Variants in ZMIZ2 observed in about 807,000 individuals in gnomAD.
ZMIZ2 encodes zinc finger MIZ domain-containing protein 2.
A neutral mutation model predicts 93.9 loss-of-function variants in ZMIZ2; 26 were observed. The ratio of observed to expected loss-of-function variants is 0.28; its 90% CI spans 0.20 to 0.38. ZMIZ2 has a LOEUF of 0.38. Among genes scored for constraint, ZMIZ2 ranks in the 10% least tolerant of loss-of-function variants. The pLI is 1.00. For synonymous variants in ZMIZ2, 485 were observed against 516.4 expected (o/e 0.94, Z 0.82); for missense variants, 1,023 against 1,235.0 (o/e 0.83, Z 2.57).
rs1423266804 is a variant in ZMIZ2, at chr7:44,759,311, G to A, written c.844G>A (p.Gly282Ser). The A allele has an allele frequency of 2.5e-6, 4 of 1,582,260 alleles. No homozygotes were observed. The highest frequency in any genetic ancestry group is 2.6e-6 in the Non-Finnish European group (3 of 1,165,120). Residue 282 changes from glycine to serine, a missense_variant, in exon 7 of 19, where the codon GGC becomes AGC. By Grantham distance (56) the Gly-to-Ser change is moderately conservative. Around this residue, in one of 3 missense-constraint regions of ZMIZ2, gnomAD observed 656 missense variants for 777.1 expected, o/e 0.84. Coordinates refer to ENST00000309315, the MANE Select transcript of ZMIZ2 (RefSeq NM_031449.4). Reference protein sequence around the residue: ...VYPGQQYLQGGQYAPSTAQFA... With the variant: ...VYPGQQYLQGSQYAPSTAQFA... The stretch of plus-strand genomic sequence containing the variant: ...TCCAGGGCAGCAGTATCTGCAAGGA[G>A]GCCAGTATGCACCCAGCACCGCCCA...
Position 44,759,266 on chromosome 7 carries a change from T to C in ZMIZ2, c.814-15T>C. ...TGCCTTTTTTCTCCCCTCGGGCATTTTGCCTCTTTTTCAGGTGTATCCAGG... is the reference window on the plus strand; with the variant it reads ...TGCCTTTTTTCTCCCCTCGGGCATTCTGCCTCTTTTTCAGGTGTATCCAGG... On this transcript the variant is annotated splice_polypyrimidine_tract_variant and intron_variant, in intron 6 of 18. Transcript: ENST00000309315. 1 of 1,482,838 alleles carries C rather than the reference T, an allele frequency of 6.7e-7. No homozygotes were observed. Among genetic ancestry groups the C allele is most frequent in the Non-Finnish European group, 9.0e-7 (1 of 1,110,270 alleles). The allele number at this position is 1,482,838 out of a possible 1,614,324, so 91.9% of individuals were successfully genotyped here.
chr7:44,756,365 C>G, intron 2 of ZMIZ2, 60 bp from the exon 3 acceptor site: 1 of 1,613,866 alleles, frequency 6.2e-7, no homozygotes, highest in Non-Finnish European at 8.5e-7. Context: ...CTGGAAGATC[C>G]TAGACTCTTG....
At chr7:44,762,793 T>G in intron 11 of ZMIZ2, 88 bp from the exon 12 acceptor site, 24 of 583,084 alleles carry the variant, frequency 4.1e-5, no homozygotes, top group Non-Finnish European at 5.4e-5. Flanking sequence ...TGGCAGCCCC[T>G]GACACACAAC....
intron 1 of ZMIZ2, among the ~76,000 whole-genome samples, chr7:44,754,664 T>A (rs958846257): frequency 6.6e-6 from 1 of 152,052 alleles, no homozygotes; most frequent in Non-Finnish European, 1.5e-5. Context: ...GCAGCCTAGA[T>A]GAATGCGGGG....
In ZMIZ2 at chr7:44,756,963, T is replaced by C. The variant is rs763537643; in HGVS notation, c.182T>C (p.Met61Thr). 7 of 1,611,072 alleles carry C rather than the reference T, an allele frequency of 4.3e-6. No individual in the cohort carries two copies. The highest frequency in any genetic ancestry group is 3.4e-5 in the Admixed American group (2 of 58,804). Residue 61 changes from methionine to threonine, a missense_variant, in exon 4 of 19, where the codon ATG becomes ACG. Coordinates refer to ENST00000309315, the MANE Select transcript of ZMIZ2 (RefSeq NM_031449.4). ...TCCTCATAGGTTTTGGGGAACCCCA[T>C]GGGCCCTGCAGGGAGTCCCTCTGGC... ...ATQSQVLGNP[M>T]GPAGSPSGSS...
intron 1 of ZMIZ2, among the ~76,000 whole-genome samples, chr7:44,752,129 C>T (rs1026070675): frequency 6.6e-6 from 1 of 150,850 alleles, no homozygotes; most frequent in African/African-American, 2.5e-5. Flanking sequence ...AGCCTGTTGC[C>T]TTCTATTTTT....
rs778825617 is a variant in ZMIZ2 at position 44,757,024 on chromosome 7, C to T, written c.243C>T (p.Ser81=). 117 of 1,612,244 alleles carry T rather than the reference C, an allele frequency of 7.3e-5. 1 individual carries two copies. The highest frequency in any genetic ancestry group is 9.3e-5 in the Non-Finnish European group (110 of 1,179,408). ...SMMPGVAGGS[S]ALTSPQCLGQ... is the part of the protein sequence containing the mutation. ...TGCCTGGTGTGGCAGGGGGCAGCTC[C>T]GCCTTGACCTCCCCACAGTGCCTGG... The change falls in exon 4 of 19, where the codon TCC becomes TCT. Residue 81 remains serine, a synonymous_variant. Coordinates refer to ENST00000309315, the MANE Select transcript of ZMIZ2 (RefSeq NM_031449.4).
In ZMIZ2 at chr7:44,765,036, G is replaced by C; in HGVS notation, c.1997+27G>C. The C allele has an allele frequency of 5.0e-6, 8 of 1,613,408 alleles. No individual in the cohort carries two copies. Among genetic ancestry groups the C allele is most frequent in the South Asian group, 1.1e-5 (1 of 91,076 alleles). ...TAAGCATCCTCTTCCTGTGATCCCT[G>C]CATCTGTGGCCACTGGAGGGCAGCC... On this transcript the variant is annotated intron_variant, in intron 15 of 18. Transcript: ENST00000309315. This position sits in a 1 kb window ranked among gnomAD's most constrained non-coding sequence, Gnocchi z 4.1.
chr7:44,765,126 A>G lies in ZMIZ2; in HGVS notation c.1997+117A>G. On this transcript the variant is annotated intron_variant, in intron 15 of 18. Transcript: ENST00000309315. The surrounding 1 kb of genome is among the most constrained non-coding windows in gnomAD (Gnocchi z 4.1). ...TTCCAGCCTTTTTCCGGCATGGAGC[A>G]GGCTGGATTCCAGGCCAGAGACAGC... The G allele has an allele frequency of 1.4e-6, 2 of 1,480,470 alleles. No individual in the cohort carries two copies. The highest frequency in any genetic ancestry group is 1.8e-6 in the Non-Finnish European group (2 of 1,081,086). 91.7% of individuals were successfully genotyped at this position (1,480,470 alleles called of 1,614,324 possible).
chr7:44,756,589 C>G (rs1220120891), intron 3 of ZMIZ2, 50 bp downstream of exon 3: 1 of 1,584,206 alleles, frequency 6.3e-7, no homozygotes, highest in South Asian at 1.1e-5. Context: ...CCTCCCAGCA[C>G]TTGGCAGTGC....
At chr7:44,759,773 C>G (rs1790980034) in intron 7 of ZMIZ2, 1 of 453,256 alleles carries the variant, frequency 2.2e-6, no homozygotes. Flanking sequence ...TTTGAATGTT[C>G]TTTATGGAAA....
Position 44,761,403 on chromosome 7 carries a change from T to C in ZMIZ2, c.1241-46T>C. 1 of 1,599,058 alleles carries C rather than the reference T, an allele frequency of 6.3e-7. No homozygotes were observed. The highest frequency in any genetic ancestry group is 8.5e-7 in the Non-Finnish European group (1 of 1,175,450). On this transcript the variant is annotated intron_variant, in intron 9 of 18. Coordinates refer to ENST00000309315, the MANE Select transcript of ZMIZ2 (RefSeq NM_031449.4). The surrounding 1 kb of genome is among the most constrained non-coding windows in gnomAD (Gnocchi z 5.8). ...GCCCTCCTTGAGTGACACAAGACGC[T>C]CTGGCTGGGGCAACCCAGCTCACAG...
Position 44,766,368 on chromosome 7 carries a change from C to T in ZMIZ2, c.2412+35C>T, listed in dbSNP as rs1255222904. The stretch of plus-strand genomic sequence containing the variant: ...AAGCCGAGAGGCCAAGGGGCCCTGT[C>T]TCCCCAGGGGAGCCCCTGAGCTGTT... On this transcript the variant is annotated intron_variant, in intron 17 of 18. Transcript: ENST00000309315. This position sits in a 1 kb window ranked among gnomAD's most constrained non-coding sequence, Gnocchi z 4.4. 1.2e-6 allele frequency: 2 copies of T among 1,607,754 alleles called. No homozygotes were observed. Among genetic ancestry groups the T allele is most frequent in the East Asian group, 2.2e-5 (1 of 44,754 alleles).
chr7:44,760,444 G>C lies in ZMIZ2; in HGVS notation c.1091G>C (p.Gly364Ala). ...CTACAGCCTACCCGTTCCATCCCGG[G>C]CTATCCCAGTTCCCCACTGCCAGGG... ...GLSGPTRSIP[G>A]YPSSPLPGNP... Residue 364 changes from glycine (G) to alanine (A), a missense_variant, in exon 9 of 19, where the codon GGC becomes GCC. This residue lies in a region of ZMIZ2 where 656 missense variants were observed against 777.1 expected (regional missense o/e 0.84). Transcript: ENST00000309315. The C allele has an allele frequency of 6.2e-7, 1 of 1,614,032 alleles. No homozygotes were observed. The highest frequency in any genetic ancestry group is 1.1e-5 in the South Asian group (1 of 91,070).
chr7:44,760,278 T>A, intron 8 of ZMIZ2, 50 bp downstream of exon 8: 1 of 1,586,878 alleles, frequency 6.3e-7, no homozygotes, highest in Non-Finnish European at 8.6e-7. Flanking sequence ...AGGGTGGGCA[T>A]ATGGAGAGAG....
chr7:44,762,841 G>A (rs370234644), intron 11 of ZMIZ2, 40 bp from the exon 12 acceptor site: 26 of 1,554,710 alleles, frequency 1.7e-5, no homozygotes, highest in Middle Eastern at 1.8e-4. Flanking sequence ...GTGGCCCCTG[G>A]CCCAAGTCCC....
At chr7:44,752,196 C>T (rs551839001) in intron 1 of ZMIZ2, among the ~76,000 whole-genome samples, 9 of 150,972 alleles carry the variant, frequency 6.0e-5, no homozygotes, top group Admixed American at 2.0e-4. Flanking sequence ...ATGGTGCGAT[C>T]GGCTCACTGC....
At position 44,756,466 on chromosome 7, in the gene ZMIZ2, G is replaced by A; in HGVS notation, c.92G>A (p.Ser31Asn). The change falls in exon 3 of 19, where the codon AGC (serine) becomes AAC (asparagine). Residue 31 changes from serine to asparagine, a missense_variant. Physicochemically the swap from Ser to Asn is conservative, Grantham distance 46. This residue lies in a region of ZMIZ2 where 656 missense variants were observed against 777.1 expected (regional missense o/e 0.84). Transcript: ENST00000309315. ...TATGAGTCTGTGCCTTGGCAACAAAGCGCCACTCAGCCGGCTGGATCGCTG... is the reference window on the plus strand; with the variant it reads ...TATGAGTCTGTGCCTTGGCAACAAAACGCCACTCAGCCGGCTGGATCGCTG... ...FAYESVPWQQ[S>N]ATQPAGSLSV... The A allele has an allele frequency of 6.2e-7, 1 of 1,614,084 alleles. No individual in the cohort carries two copies. The highest frequency in any genetic ancestry group is 8.5e-7 in the Non-Finnish European group (1 of 1,180,026).
In ZMIZ2 at chr7:44,761,561, G is replaced by A; in HGVS notation, c.1353G>A (p.Leu451=). 1 of 1,614,092 alleles carries A rather than the reference G, an allele frequency of 6.2e-7. No individual in the cohort carries two copies. The highest frequency in any genetic ancestry group is 1.7e-5 in the Admixed American group (1 of 60,030). The change falls in exon 10 of 19, where the codon CTG becomes CTA. Residue 451 remains leucine, a synonymous_variant. Transcript: ENST00000309315. The surrounding 1 kb of genome is among the most constrained non-coding windows in gnomAD (Gnocchi z 5.8). The stretch of plus-strand genomic sequence containing the variant: ...CTGTAAGCAACCATGTCTTCCAGCT[G>A]CGAGACTCAGTCTACAAGACCCTGA... The part of the protein sequence containing the change: ...NLAVSNHVFQ[L]RDSVYKTLIM...
Sources: gnomAD v4.1 joint callset for allele counts (sites outside exome capture counted in the v4.1 genomes callset) on GRCh38, gnomAD v4.1.1 for gene constraint, gnomAD v4.1.1 regional missense constraint, Gnocchi (gnomAD v3.1) non-coding constraint, MANE v1.5 for transcripts, NCBI Gene and HGNC (gene_info 2026-07-23, HGNC 2026-07-21) for gene names.